CEP120: variants seen among roughly 807,000 people sequenced by gnomAD.
CEP120 encodes centrosomal protein of 120 kDa.
A neutral mutation model predicts 126.5 loss-of-function variants in CEP120; 113 were observed. The observed-to-expected ratio is 0.89, with a 90% confidence interval of 0.77 to 1.04. The LOEUF is 1.04. CEP120 is among the 50% of genes least tolerant of loss of function. CEP120 has a pLI of 0.00. For synonymous variants in CEP120, 400 were observed against 394.3 expected (o/e 1.01, Z -0.17); for missense variants, 1,230 against 1,155.7 (o/e 1.06, Z -0.93).
intron 3 of CEP120, among the ~76,000 whole-genome samples, chr5:123,414,971 C>CAAAAAAAAAAAAAAAAAAAAAAA (rs56756568): frequency 2.5e-5 from 1 of 40,662 alleles, no homozygotes; most frequent in African/African-American, 1.2e-4. Context: ...GACTCCATCT[C>CAAAAAAAAAAAAAAAAAAAAAAA]AAAAAAAAAA....
chr5:123,404,407 T>A (rs1323015353), intron 4 of CEP120, among the ~76,000 whole-genome samples: 1 of 152,098 alleles, frequency 6.6e-6, no homozygotes, highest in Admixed American at 6.6e-5. Flanking sequence ...AGGAGGCAAG[T>A]GATATTTGGG....
chr5:123,399,906 G>A (rs944219744), intron 4 of CEP120, among the ~76,000 whole-genome samples: 3 of 152,174 alleles, frequency 2.0e-5, no homozygotes, highest in Non-Finnish European at 4.4e-5. Context: ...ATAGGCTTTA[G>A]TATGAGGAGA....
At chr5:123,412,628 T>C in intron 3 of CEP120, 88 bp from the exon 4 acceptor site, 2 of 938,160 alleles carry the variant, frequency 2.1e-6, no homozygotes, top group Non-Finnish European at 1.5e-6. Context: ...AATAAATTTA[T>C]TGTAGCTTTT....
At chr5:123,350,440 A>ATTCTCTTTTACT (rs1769130436) in intron 18 of CEP120, among the ~76,000 whole-genome samples, 2 of 152,280 alleles carry the variant, frequency 1.3e-5, no homozygotes, top group African/African-American at 4.8e-5. Context: ...GGTTTTCTCT[A>ATTCTCTTTTACT]AACACTCTAT....
chr5:123,346,224 C>A lies in CEP120; in HGVS notation c.*295G>T, dbSNP rs111490138. ...ATTACCGCAGTCATTTCTCCTACAA[C>A]AAACTTAGTTAAAAGCTGTTTTGAA... On this transcript the variant is annotated 3_prime_UTR_variant, in exon 20 of 20. Transcript: ENST00000306467. 55 of 276,330 alleles carry A rather than the reference C, an allele frequency of 2.0e-4. No individual in the cohort carries two copies. The highest frequency in any genetic ancestry group is 1.2e-3 in the African/African-American group (54 of 44,994). The allele number at this position is 276,330 out of a possible 1,614,324, so 17.1% of individuals were successfully genotyped here. A position where few individuals can be genotyped will look rare whatever the true frequency, so the allele number is the denominator to read the frequency against.
At chr5:123,408,345 G>A (rs1773828555) in intron 4 of CEP120, among the ~76,000 whole-genome samples, 1 of 143,080 alleles carries the variant, frequency 7.0e-6, no homozygotes. Context: ...TCTCTGAAAA[G>A]ATAAATAAAA....
At chr5:123,420,271 T>G (rs1774636952) in intron 1 of CEP120, among the ~76,000 whole-genome samples, 1 of 152,152 alleles carries the variant, frequency 6.6e-6, no homozygotes, top group Non-Finnish European at 1.5e-5. Flanking sequence ...CCAACAAGCT[T>G]GAGAACAGAG....
intron 1 of CEP120, among the ~76,000 whole-genome samples, chr5:123,419,566 A>C (rs928296889): frequency 4.6e-5 from 7 of 151,554 alleles, no homozygotes; most frequent in South Asian, 2.1e-4. Flanking sequence ...AAAAAAAAAA[A>C]CAGAATACTT....
Position 123,399,135 on chromosome 5 carries a change from C to T in CEP120, c.612+1G>A. On this transcript the variant is annotated splice_donor_variant, in intron 5 of 19. Transcript: ENST00000306467. LOFTEE classifies it high-confidence loss of function. ...GTCACCAATCTCATGAAAAGTCTCA[C>T]CTGTTCCAACTGGGTAGCAAATGCT... 1 of 1,600,582 alleles carries T rather than the reference C, an allele frequency of 6.2e-7. No homozygotes were observed. Among genetic ancestry groups the T allele is most frequent in the Non-Finnish European group, 8.5e-7 (1 of 1,171,536 alleles).
intron 4 of CEP120, chr5:123,402,465 G>A: frequency 4.1e-6 from 3 of 733,032 alleles, no homozygotes; most frequent in Non-Finnish European, 3.9e-6. Context: ...TGTCACCCAG[G>A]CTGCAGTGGA....
intron 18 of CEP120, among the ~76,000 whole-genome samples, chr5:123,358,948 A>G (rs1177483534): frequency 6.6e-6 from 1 of 152,118 alleles, no homozygotes; most frequent in Non-Finnish European, 1.5e-5. Flanking sequence ...GAACTCAAGT[A>G]AAGTTTTCTG....
chr5:123,364,564 T>C lies in CEP120; in HGVS notation c.2512A>G (p.Thr838Ala). Residue 838 changes from threonine to alanine, a missense_variant, in exon 18 of 20, where the codon ACT becomes GCT. Transcript: ENST00000306467. ...TGCTTGTAATGCAGTTTAGACTTAG[T>C]TGCAGATTCCAACTTTCTTTCAAGT... ...VELERKLESA[T>A]KSKLHYKQQW... The C allele has an allele frequency of 2.5e-6, 4 of 1,605,966 alleles. No individual in the cohort carries two copies. The highest frequency in any genetic ancestry group is 3.4e-6 in the Non-Finnish European group (4 of 1,174,936).
chr5:123,370,934 T>C (rs374484504), intron 17 of CEP120, among the ~76,000 whole-genome samples: 2 of 151,630 alleles, frequency 1.3e-5, no homozygotes, highest in East Asian at 3.9e-4. Flanking sequence ...TTACAATTCA[T>C]CAAAACTCAT....
chr5:123,374,151 A>G (rs1206999915), intron 16 of CEP120, among the ~76,000 whole-genome samples: 1 of 152,114 alleles, frequency 6.6e-6, no homozygotes, highest in Non-Finnish European at 1.5e-5. Context: ...AAATTCAAAT[A>G]CTATTACAAG....
chr5:123,395,681 CTTTT>C (rs369612860), intron 5 of CEP120, among the ~76,000 whole-genome samples: 10 of 127,406 alleles, frequency 7.8e-5, no homozygotes, highest in South Asian at 5.1e-4. Flanking sequence ...TACTTCATTC[CTTTT>C]TTTTTTTTTT....
intron 11 of CEP120, 75 bp downstream of exon 11, chr5:123,384,876 A>C: frequency 7.9e-7 from 1 of 1,261,566 alleles, no homozygotes. Flanking sequence ...GGAAGGGTGA[A>C]GTGGTGGCTG....
At chr5:123,364,872 T>C (rs1249918277) in intron 17 of CEP120, among the ~76,000 whole-genome samples, 5 of 151,618 alleles carry the variant, frequency 3.3e-5, no homozygotes, top group Non-Finnish European at 7.4e-5. Flanking sequence ...TTTAAACATA[T>C]ATATTATATA....
chr5:123,377,428 T>C lies in CEP120; in HGVS notation c.2304A>G (p.Leu768=), dbSNP rs781569996. Residue 768 remains leucine, a synonymous_variant, in exon 16 of 20, where the codon CTA becomes CTG. Coordinates refer to ENST00000306467, the MANE Select transcript of CEP120 (RefSeq NM_001375405.1). ...CGAGCTGTTTGATTTTTAACCTTTC[T>C]AGTTCTACTTGGTGAATACAGTCCT... The part of the protein sequence containing the change: ...AKEDCIHQVE[L]ERLKIKQLEE... 2 of 1,611,676 alleles carry C rather than the reference T, an allele frequency of 1.2e-6. No individual in the cohort carries two copies. The highest frequency in any genetic ancestry group is 3.4e-5 in the Admixed American group (2 of 59,182).
Position 123,399,259 on chromosome 5 carries a change from G to T in CEP120, c.489C>A (p.Asp163Glu). ...TCAGCACAGCCACAATGTCCCTGGG[G>T]TCAAGTCCAGCCAGGATGGCAGGTA... ...GKVPAILAGL[D>E]PRDIVAVLNE... Residue 163 changes from aspartate to glutamate, a missense_variant, in exon 5 of 20, where the codon GAC (aspartate) becomes GAA (glutamate). Coordinates refer to ENST00000306467, the MANE Select transcript of CEP120 (RefSeq NM_001375405.1). 1.2e-6 allele frequency: 2 copies of T among 1,614,096 alleles called. No homozygotes were observed. The highest frequency in any genetic ancestry group is 8.5e-7 in the Non-Finnish European group (1 of 1,179,976).
Sources: gnomAD v4.1 joint callset for allele counts (sites outside exome capture counted in the v4.1 genomes callset) on GRCh38, gnomAD v4.1.1 for gene constraint, MANE v1.5 for transcripts, NCBI Gene and HGNC (gene_info 2026-07-23, HGNC 2026-07-21) for gene names.